The following WTAP variants were observed in gnomAD, a reference collection of about 807,000 sequenced individuals.
WTAP encodes the protein WT1 associated protein.
WTAP carries 8 observed loss-of-function variants against 50.0 expected under a neutral mutation model. That is an observed-to-expected ratio of 0.16 (90% CI 0.09 to 0.29). The LOEUF is 0.29. WTAP is among the 10% of genes least tolerant of loss of function. The pLI, the probability that WTAP is intolerant of heterozygous loss-of-function variation, is 1.00. For synonymous variants in WTAP, 194 were observed against 169.0 expected (o/e 1.15, Z -1.15); for missense variants, 295 against 470.7 (o/e 0.63, Z 3.45).
intron 5 of WTAP, among the ~76,000 whole-genome samples, chr6:159,746,126 G>A (rs986674928): frequency 3.9e-5 from 6 of 152,172 alleles, no homozygotes; most frequent in African/African-American, 9.7e-5. Flanking sequence ...TGTACAATAC[G>A]AATTTAAAAT....
rs1779956353 is a variant in WTAP at position 159,755,177 on chromosome 6, A to G, written c.757A>G (p.Arg253Gly). 1 of 1,614,066 alleles carries G rather than the reference A, an allele frequency of 6.2e-7. No individual in the cohort carries two copies. Among genetic ancestry groups the G allele is most frequent in the Non-Finnish European group, 8.5e-7 (1 of 1,180,016 alleles). ...TCAGGCCTCTGCCCCAAGTACCAGC[A>G]GGACTACAGCTTCTGAACCTGTAGA... is the stretch of plus-strand genomic sequence containing the variant. ...QSQASAPSTS[R>G]TTASEPVEQS... The change falls in exon 8 of 8, where the codon AGG becomes GGG. Residue 253 changes from arginine (R) to glycine (G), a missense_variant. By Grantham distance (125) the Arg-to-Gly change is moderately radical (BLOSUM62 -2). Coordinates refer to ENST00000621533, the MANE Select transcript of WTAP (RefSeq NM_001270531.2).
At chr6:159,745,814 C>G (rs977627464) in intron 5 of WTAP, among the ~76,000 whole-genome samples, 1 of 152,060 alleles carries the variant, frequency 6.6e-6, no homozygotes, top group Admixed American at 6.6e-5. Flanking sequence ...TAAAATAGTT[C>G]AGATGAAATA....
chr6:159,753,229 A>G (rs1469782765), intron 6 of WTAP: 4 of 531,702 alleles, frequency 7.5e-6, no homozygotes, highest in Non-Finnish European at 1.3e-5. Flanking sequence ...AATAGAAACA[A>G]GGTGTAGCTG....
intron 1 of WTAP, among the ~76,000 whole-genome samples, chr6:159,729,792 T>C: frequency 6.6e-6 from 1 of 152,362 alleles, no homozygotes; most frequent in African/African-American, 2.4e-5. Flanking sequence ...TACATTCAGC[T>C]ATGATTTGTT....
chr6:159,755,818 T>A lies in WTAP; in HGVS notation c.*207T>A. The A allele has an allele frequency of 1.2e-6, 1 of 839,942 alleles. No homozygotes were observed. The highest frequency in any genetic ancestry group is 1.6e-6 in the Non-Finnish European group (1 of 635,008). The allele number at this position is 839,942 out of a possible 1,614,324, so 52.0% of individuals were successfully genotyped here. ...TTCAATACTTCTGCCGCTTTGGAAA[T>A]TGTAACAGTTAATTACTTTGAATGT... On this transcript the variant is annotated 3_prime_UTR_variant, in exon 8 of 8. Transcript: ENST00000621533.
chr6:159,727,777 C>T (rs1183031622), intron 1 of WTAP, 74 bp downstream of exon 1: 40 of 966,476 alleles, frequency 4.1e-5, no homozygotes, highest in Non-Finnish European at 4.7e-5. Context: ...CAGCCGCCCC[C>T]GGCGGGTAAG....
chr6:159,726,782 A>T (rs543456382), upstream of WTAP: 66 of 1,289,114 alleles, frequency 5.1e-5, no homozygotes, highest in South Asian at 8.0e-4. Context: ...GAACGAACCC[A>T]GCGGCCAGGA....
In WTAP at chr6:159,755,736, G is replaced by GTTTTT. The variant is rs1277039315; in HGVS notation, c.*129_*133dup. On this transcript the variant is annotated 3_prime_UTR_variant, in exon 8 of 8. Coordinates refer to ENST00000621533, the MANE Select transcript of WTAP (RefSeq NM_001270531.2). ...GTGTACGTTTTGGTTTTTTTTTGTT[G>GTTTTT]TTTTTTTTCTTTGTTTTTTTTTTCT... The GTTTTT allele has an allele frequency of 2.8e-6, 1 of 359,902 alleles. No individual in the cohort carries two copies. The allele number at this position is 359,902 out of a possible 1,614,324, so 22.3% of individuals were successfully genotyped here.
intron 3 of WTAP, among the ~76,000 whole-genome samples, chr6:159,740,977 C>T (rs1779224004): frequency 6.6e-6 from 1 of 152,176 alleles, no homozygotes; most frequent in South Asian, 2.1e-4. Flanking sequence ...GCTGGGATTA[C>T]AGGCACGAGC....
chr6:159,748,314 G>A lies in WTAP; in HGVS notation c.397G>A (p.Asp133Asn). Residue 133 changes from aspartate (D) to asparagine (N), a missense_variant, in exon 6 of 8, where the codon GAC becomes AAC. Around this residue, in one of 2 missense-constraint regions of WTAP, gnomAD observed 120 missense variants for 287.6 expected, o/e 0.42. Coordinates refer to ENST00000621533, the MANE Select transcript of WTAP (RefSeq NM_001270531.2). The surrounding 1 kb of genome is among the most constrained non-coding windows in gnomAD (Gnocchi z 5.6). ...KMKGELEQTK[D>N]KLEQAQNELS... ...GAAAGGTGAACTGGAACAGACTAAA[G>A]ACAAACTGGAACAAGCCCAAAATGA... The A allele has an allele frequency of 6.2e-7, 1 of 1,614,028 alleles. No homozygotes were observed. The highest frequency in any genetic ancestry group is 8.5e-7 in the Non-Finnish European group (1 of 1,179,944).
chr6:159,727,289 G>T, upstream of WTAP: 3 of 1,281,530 alleles, frequency 2.3e-6, no homozygotes, highest in South Asian at 3.7e-5. Context: ...GCGGGGTTCG[G>T]CGGCGGGCGA....
chr6:159,743,596 T>C (rs1456455846), intron 4 of WTAP, 69 bp from the exon 5 acceptor site: 23 of 1,423,988 alleles, frequency 1.6e-5, no homozygotes, highest in East Asian at 4.8e-5. Context: ...CTAGTTCTTA[T>C]TGTTCTTGAC....
intron 1 of WTAP, among the ~76,000 whole-genome samples, chr6:159,728,420 C>A (rs905784320): frequency 3.0e-5 from 4 of 134,780 alleles, no homozygotes; most frequent in Non-Finnish European, 6.2e-5. Context: ...GTAAAAAAAA[C>A]AAAACAAAAC....
chr6:159,753,896 A>G (rs889655182), intron 7 of WTAP, among the ~76,000 whole-genome samples: 1 of 152,216 alleles, frequency 6.6e-6, no homozygotes, highest in East Asian at 1.9e-4. Context: ...GTGTTGTATT[A>G]CTTAACAAGA....
chr6:159,742,052 ATCG>A, intron 3 of WTAP, 33 bp from the exon 4 acceptor site: 1 of 1,434,320 alleles, frequency 7.0e-7, no homozygotes, highest in South Asian at 1.2e-5. Context: ...AAACTATTTT[ATCG>A]TAACAACTAA....
chr6:159,741,388 A>G (rs1291881189), intron 3 of WTAP, among the ~76,000 whole-genome samples: 1 of 152,226 alleles, frequency 6.6e-6, no homozygotes, highest in Non-Finnish European at 1.5e-5. Context: ...CCTTGAGAAG[A>G]GTCACATGGT....
chr6:159,745,297 T>C (rs909184089), intron 5 of WTAP: 1 of 152,244 alleles, frequency 6.6e-6, no homozygotes, highest in African/African-American at 2.4e-5. Flanking sequence ...GCACATCTGA[T>C]TCTCCATCTG....
In WTAP at chr6:159,736,427, CAAT is replaced by C. The variant is rs1443949623; in HGVS notation, c.30+137_30+139del. Reference sequence around the variant, plus strand: ...ATTTTTCATTTCTTTGCCTTTATAACAATAATAGCATTGGAGTTGTACAGTGTG... The same window carrying C: ...ATTTTTCATTTCTTTGCCTTTATAACAATAGCATTGGAGTTGTACAGTGTG... On this transcript the variant is annotated intron_variant, in intron 2 of 7. Coordinates refer to ENST00000621533, the MANE Select transcript of WTAP (RefSeq NM_001270531.2). 3 of 717,950 alleles carry C rather than the reference CAAT, an allele frequency of 4.2e-6. No homozygotes were observed. The African/African-American group carries it at 5.3e-5, about 13-fold the overall frequency. The allele number at this position is 717,950 out of a possible 1,614,324, so 44.5% of individuals were successfully genotyped here.
intron 6 of WTAP, chr6:159,749,442 A>G (rs1163475368): frequency 1.1e-6 from 1 of 908,130 alleles, no homozygotes; most frequent in Non-Finnish European, 1.3e-6. Flanking sequence ...TTTTTTTTTT[A>G]AGTTCAAAGA....
Sources: allele counts gnomAD v4.1 joint callset (sites outside exome capture counted in the v4.1 genomes callset), GRCh38; gene constraint gnomAD v4.1.1; regional missense constraint gnomAD v4.1.1; non-coding constraint Gnocchi (gnomAD v3.1); transcripts MANE v1.5; gene names NCBI Gene and HGNC (gene_info 2026-07-23, HGNC 2026-07-21).